SEMA5A: variants seen among roughly 807,000 people sequenced by gnomAD.
The protein encoded by SEMA5A is semaphorin 5A.
In SEMA5A, 55 loss-of-function variants were observed where a neutral mutation model predicts 135.5. That is an observed-to-expected ratio of 0.41 (90% CI 0.33 to 0.51). SEMA5A has a LOEUF of 0.51. Ranked by LOEUF, SEMA5A falls within the 20% of genes least tolerant of loss-of-function variation. SEMA5A has a pLI of 0.37. For synonymous variants in SEMA5A, 580 were observed against 546.5 expected (o/e 1.06, Z -0.85); for missense variants, 1,290 against 1,419.9 (o/e 0.91, Z 1.47).
At chr5:9,203,167 TA>T (rs1346707359) in intron 8 of SEMA5A, among the ~76,000 whole-genome samples, 1 of 152,354 alleles carries the variant, frequency 6.6e-6, no homozygotes, top group African/African-American at 2.4e-5. Context: ...TATTTGCTTT[TA>T]AAACTCTAAT....
intron 12 of SEMA5A, among the ~76,000 whole-genome samples, chr5:9,148,122 T>A (rs1344715731): frequency 2.0e-5 from 3 of 152,188 alleles, no homozygotes; most frequent in Admixed American, 1.3e-4. Context: ...AAAATTAAGA[T>A]TGTATGAGTA....
chr5:9,372,282 G>C lies in SEMA5A; in HGVS notation c.124+7541C>G, dbSNP rs530472957. 3.3e-5 allele frequency among the ~76,000 whole-genome samples: 5 copies of C among 152,326 alleles called. No homozygotes were observed. The East Asian group carries it at 9.6e-4, about 29-fold the overall frequency. Reference sequence around the variant, plus strand: ...CTCCACACAACTGCTTGGTGCATTAGACACCAGACAGCCAAATCCCAGAGA... The same window carrying C: ...CTCCACACAACTGCTTGGTGCATTACACACCAGACAGCCAAATCCCAGAGA... On this transcript the variant is annotated intron_variant, in intron 3 of 22. Coordinates refer to ENST00000382496, the MANE Select transcript of SEMA5A (RefSeq NM_003966.3).
chr5:9,475,120 C>A (rs1263625190), intron 1 of SEMA5A, among the ~76,000 whole-genome samples: 1 of 152,190 alleles, frequency 6.6e-6, no homozygotes, highest in Non-Finnish European at 1.5e-5. Context: ...TTAGGAGAGA[C>A]TGAGTTTCGC....
At chr5:9,274,239 C>A (rs1396203492) in intron 5 of SEMA5A, among the ~76,000 whole-genome samples, 1 of 151,888 alleles carries the variant, frequency 6.6e-6, no homozygotes, top group African/African-American at 2.4e-5. Context: ...TCAAAAGAGA[C>A]AAGGACATTA....
At chr5:9,256,868 T>C (rs2150503301) in intron 5 of SEMA5A, among the ~76,000 whole-genome samples, 1 of 152,316 alleles carries the variant, frequency 6.6e-6, no homozygotes, top group Middle Eastern at 3.4e-3. Context: ...GTTTTAAGAG[T>C]ATAAGTTCAA....
intron 5 of SEMA5A, among the ~76,000 whole-genome samples, chr5:9,257,759 G>T (rs867182134): frequency 6.6e-6 from 1 of 152,068 alleles, no homozygotes; most frequent in Non-Finnish European, 1.5e-5. Flanking sequence ...TCAAGGTGGT[G>T]GTCAGGGCTT....
intron 1 of SEMA5A, among the ~76,000 whole-genome samples, chr5:9,491,502 G>A (rs886542619): frequency 3.3e-5 from 5 of 150,704 alleles, no homozygotes; most frequent in Admixed American, 6.6e-5. Flanking sequence ...TACTTAGATT[G>A]CATACACAAC....
intron 1 of SEMA5A, among the ~76,000 whole-genome samples, chr5:9,447,040 G>A (rs1263132994): frequency 2.6e-5 from 4 of 152,172 alleles, no homozygotes; most frequent in African/African-American, 9.7e-5. Flanking sequence ...GGCTAACTGT[G>A]AAATTCACAA....
chr5:9,168,058 CCCCTCTCA>C (rs1266514371), intron 11 of SEMA5A, among the ~76,000 whole-genome samples: 2 of 152,162 alleles, frequency 1.3e-5, no homozygotes, highest in Non-Finnish European at 2.9e-5. Flanking sequence ...TTCCTATGCA[CCCCTCTCA>C]CTGCCCACTC....
At chr5:9,200,720 A>T (rs574313536) in intron 9 of SEMA5A, among the ~76,000 whole-genome samples, 44 of 152,338 alleles carry the variant, frequency 2.9e-4, no homozygotes, top group African/African-American at 1.1e-3. Flanking sequence ...TTAAGCAAAT[A>T]CTAACACAAG....
intron 11 of SEMA5A, among the ~76,000 whole-genome samples, chr5:9,162,478 G>GTGTATATA (rs1553995408): frequency 7.4e-4 from 59 of 79,558 alleles, no homozygotes; most frequent in African/African-American, 1.6e-3. Flanking sequence ...ATATATGTGT[G>GTGTATATA]TGTGTATATA....
chr5:9,133,997 T>A (rs1031588188), intron 13 of SEMA5A, among the ~76,000 whole-genome samples: 3 of 152,038 alleles, frequency 2.0e-5, no homozygotes, highest in African/African-American at 7.2e-5. Context: ...GATCTGATGG[T>A]TTAAAAGTGA....
chr5:9,346,490 G>C (rs1163942237), intron 3 of SEMA5A, among the ~76,000 whole-genome samples: 1 of 152,202 alleles, frequency 6.6e-6, no homozygotes, highest in Non-Finnish European at 1.5e-5. Context: ...AGCTAAAAGA[G>C]CACTGTAATA....
chr5:9,337,879 A>G (rs1753465349), intron 3 of SEMA5A, 67 bp from the exon 4 acceptor site: 2 of 1,043,338 alleles, frequency 1.9e-6, no homozygotes, highest in African/African-American at 3.2e-5. Context: ...GACCACAGAT[A>G]GTGCACATCA....
At chr5:9,185,851 C>A (rs1744776076) in intron 11 of SEMA5A, among the ~76,000 whole-genome samples, 1 of 152,148 alleles carries the variant, frequency 6.6e-6, no homozygotes, top group Admixed American at 6.5e-5. Context: ...AGAATTAGAA[C>A]AACCATGGCC....
intron 8 of SEMA5A, among the ~76,000 whole-genome samples, chr5:9,217,254 G>C (rs1296531494): frequency 6.6e-6 from 1 of 152,086 alleles, no homozygotes; most frequent in Non-Finnish European, 1.5e-5. Context: ...AGTTTAGCCG[G>C]ATATGAAATT....
At chr5:9,083,703 G>A (rs1429759349) in intron 16 of SEMA5A, among the ~76,000 whole-genome samples, 1 of 152,154 alleles carries the variant, frequency 6.6e-6, no homozygotes, top group Non-Finnish European at 1.5e-5. Flanking sequence ...AGAATTCTCA[G>A]ACACCAATGG....
At chr5:9,077,163 A>G (rs1453755955) in intron 16 of SEMA5A, among the ~76,000 whole-genome samples, 3 of 152,026 alleles carry the variant, frequency 2.0e-5, no homozygotes, top group South Asian at 4.1e-4. Flanking sequence ...ATACCTCCCA[A>G]CAAAGGCCAT....
At chr5:9,438,512 C>T (rs140892801) in intron 1 of SEMA5A, among the ~76,000 whole-genome samples, 61 of 152,250 alleles carry the variant, frequency 4.0e-4, no homozygotes, top group Admixed American at 1.4e-3. Context: ...GACCACGAAA[C>T]GCCAGCCTCC....
Sources: gnomAD v4.1 joint callset for allele counts (sites outside exome capture counted in the v4.1 genomes callset) on GRCh38, gnomAD v4.1.1 for gene constraint, MANE v1.5 for transcripts, NCBI Gene and HGNC (gene_info 2026-07-23, HGNC 2026-07-21) for gene names.